The following TRMT11 variants were observed in gnomAD, a reference collection of about 807,000 sequenced individuals.
TRMT11 encodes tRNA (guanine(10)-N(2))-methyltransferase TRMT11.
A neutral mutation model predicts 62.8 loss-of-function variants in TRMT11; 53 were observed. That is an observed-to-expected ratio of 0.84 (90% CI 0.68 to 1.06). The LOEUF (loss-of-function observed/expected upper bound fraction) is 1.06, where lower values mean the gene tolerates loss of function less well. Among genes scored for constraint, TRMT11 ranks in the 50% least tolerant of loss-of-function variants. TRMT11 has a pLI of 0.00. For synonymous variants in TRMT11, 188 were observed against 190.3 expected (o/e 0.99, Z 0.10); for missense variants, 556 against 553.4 (o/e 1.00, Z -0.05).
intron 21 of TRMT11, among the ~76,000 whole-genome samples, chr6:126,129,800 C>G (rs1777760414): frequency 6.6e-6 from 1 of 152,136 alleles, no homozygotes. Flanking sequence ...CAGAATATCT[C>G]TGATCATTCA....
At chr6:126,193,818 T>A (rs1778633944) in intron 1 of TRMT11, among the ~76,000 whole-genome samples, 1 of 152,094 alleles carries the variant, frequency 6.6e-6, no homozygotes, top group East Asian at 1.9e-4. Context: ...CCTCCATCAC[T>A]ATAATATTTC....
chr6:126,180,144 A>G (rs1778441532), intron 1 of TRMT11, among the ~76,000 whole-genome samples: 2 of 152,164 alleles, frequency 1.3e-5, no homozygotes, highest in Non-Finnish European at 2.9e-5. Flanking sequence ...CAATCATTGT[A>G]TTTTTTGATC....
chr6:126,065,270 T>A (rs1037941390), intron 17 of TRMT11, among the ~76,000 whole-genome samples: 1 of 152,178 alleles, frequency 6.6e-6, no homozygotes, highest in Non-Finnish European at 1.5e-5. Context: ...CAAATAATCT[T>A]GTTCTTCTAT....
chr6:126,261,002 T>C, the TRMT11 span, among the ~76,000 whole-genome samples: 4 of 152,322 alleles, frequency 2.6e-5, no homozygotes, highest in Middle Eastern at 6.8e-3. Context: ...AGCTATTATT[T>C]CATTAAATAG....
intron 21 of TRMT11, among the ~76,000 whole-genome samples, chr6:126,126,640 G>T (rs1257225388): frequency 6.6e-6 from 1 of 152,042 alleles, no homozygotes; most frequent in African/African-American, 2.4e-5. Context: ...CCTGGCATTT[G>T]GGCTATGGGC....
intron 1 of TRMT11, among the ~76,000 whole-genome samples, chr6:126,183,164 C>A (rs554576390): frequency 6.6e-6 from 1 of 152,232 alleles, no homozygotes; most frequent in South Asian, 2.1e-4. Flanking sequence ...TTTTTAGGAG[C>A]AAGCATCACT....
At chr6:126,213,677 A>G in the TRMT11 span, among the ~76,000 whole-genome samples, 1 of 152,016 alleles carries the variant, frequency 6.6e-6, no homozygotes, top group Non-Finnish European at 1.5e-5. Flanking sequence ...AAATGTGCAG[A>G]CCTTATCATC....
At chr6:125,988,624 T>C (rs1043539617) in intron 1 of TRMT11, among the ~76,000 whole-genome samples, 4 of 152,092 alleles carry the variant, frequency 2.6e-5, no homozygotes, top group South Asian at 2.1e-4. Context: ...GGCCAGCAGT[T>C]GAATGGGGAA....
chr6:126,001,458 A>G (rs1307841483), intron 7 of TRMT11, among the ~76,000 whole-genome samples: 1 of 152,030 alleles, frequency 6.6e-6, no homozygotes, highest in Non-Finnish European at 1.5e-5. Flanking sequence ...CTGGACCACT[A>G]CATCAGTGAC....
chr6:126,023,484 C>T (rs1382810843), intron 12 of TRMT11, among the ~76,000 whole-genome samples: 1 of 152,090 alleles, frequency 6.6e-6, no homozygotes, highest in African/African-American at 2.4e-5. Flanking sequence ...CCCATCTCTA[C>T]TAAAAATACA....
the TRMT11 span, among the ~76,000 whole-genome samples, chr6:126,243,711 T>C: frequency 6.6e-6 from 1 of 151,988 alleles, no homozygotes; most frequent in African/African-American, 2.4e-5. Flanking sequence ...GCATATTCAC[T>C]CATAGGTGGG....
intron 21 of TRMT11, among the ~76,000 whole-genome samples, chr6:126,130,191 A>G (rs1160614661): frequency 2.0e-5 from 3 of 152,046 alleles, no homozygotes; most frequent in Non-Finnish European, 2.9e-5. Context: ...ATGAGAAAAT[A>G]TATCCAACTG....
chr6:126,218,357 C>T, the TRMT11 span, among the ~76,000 whole-genome samples: 17 of 152,218 alleles, frequency 1.1e-4, no homozygotes, highest in Admixed American at 1.0e-3. Flanking sequence ...GTCTCAGAGT[C>T]TCACACAAGG....
chr6:126,091,924 C>T (rs530104120), intron 17 of TRMT11, among the ~76,000 whole-genome samples: 177 of 152,238 alleles, frequency 1.2e-3, no homozygotes, highest in African/African-American at 4.1e-3. Context: ...TTCTGACTTC[C>T]TAAAATGTTA....
the TRMT11 span, among the ~76,000 whole-genome samples, chr6:126,243,363 G>A: frequency 6.6e-6 from 1 of 152,148 alleles, no homozygotes; most frequent in East Asian, 1.9e-4. Context: ...CAACCATTGT[G>A]GAAGTCAGTG....
At chr6:126,247,441 ATATCTATCTATC>A in the TRMT11 span, among the ~76,000 whole-genome samples, 151 of 132,500 alleles carry the variant, frequency 1.1e-3, no homozygotes, top group South Asian at 2.3e-3. Flanking sequence ...GACACAGAAC[ATATCTATCTATC>A]TATCTATCTA....
rs375445860 is a variant in TRMT11 at position 125,998,236 on chromosome 6, A to C, written c.308A>C (p.His103Pro). The C allele has an allele frequency of 9.4e-6, 15 of 1,601,338 alleles. No individual in the cohort carries two copies. In the African/African-American group the frequency reaches 2.0e-4, roughly 21 times the overall value. ...CTTTTATTTTAGGTTCCATTTCTACATTCGGACTCTACATATAAAATAAAG... is the reference window on the plus strand; with the variant it reads ...CTTTTATTTTAGGTTCCATTTCTACCTTCGGACTCTACATATAAAATAAAG... ...YPVEKMVPFL[H>P]SDSTYKIKIH... The change falls in exon 5 of 13, where the codon CAT (histidine) becomes CCT (proline). Residue 103 changes from histidine to proline, a missense_variant. By Grantham distance (77) the His-to-Pro change is moderately conservative. Coordinates refer to ENST00000334379, the MANE Select transcript of TRMT11 (RefSeq NM_001031712.3).
At chr6:126,024,041 TA>T (rs1796201138) in intron 12 of TRMT11, among the ~76,000 whole-genome samples, 1 of 152,268 alleles carries the variant, frequency 6.6e-6, no homozygotes, top group African/African-American at 2.4e-5. Context: ...GATTGCTTTG[TA>T]AGCTCTTGCA....
intron 21 of TRMT11, among the ~76,000 whole-genome samples, chr6:126,156,270 C>A (rs2128225725): frequency 6.6e-6 from 1 of 152,232 alleles, no homozygotes; most frequent in Middle Eastern, 3.4e-3. Context: ...GGTGGAGGAC[C>A]CCCTCCCACA....
Sources: allele counts gnomAD v4.1 joint callset (sites outside exome capture counted in the v4.1 genomes callset), GRCh38; gene constraint gnomAD v4.1.1; transcripts MANE v1.5; gene names NCBI Gene and HGNC (gene_info 2026-07-23, HGNC 2026-07-21).